The following ANKRD33B variants were observed in gnomAD, a reference collection of about 807,000 sequenced individuals.
ANKRD33B encodes ankyrin repeat domain 33B.
A neutral mutation model predicts 21.5 loss-of-function variants in ANKRD33B; 6 were observed. The ratio of observed to expected loss-of-function variants is 0.28; its 90% CI spans 0.15 to 0.55. The LOEUF (loss-of-function observed/expected upper bound fraction) is 0.55. ANKRD33B is among the 20% of genes least tolerant of loss of function. The pLI is 0.94. For missense variants in ANKRD33B, 698 were observed against 747.2 expected (o/e 0.93, Z 0.77); for synonymous variants, 347 against 342.4 (o/e 1.01, Z -0.15).
chr5:10,622,152 G>C (rs114910536), intron 2 of ANKRD33B, among the ~76,000 whole-genome samples: 1 of 152,246 alleles, frequency 6.6e-6, no homozygotes, highest in Non-Finnish European at 1.5e-5. Context: ...TTGCCTTGCT[G>C]TGGACAATCA....
rs1480086548 is a variant in ANKRD33B, at chr5:10,576,866, G to A, written c.366+12033G>A. On this transcript the variant is annotated intron_variant, in intron 1 of 3. Coordinates refer to ENST00000296657, the MANE Select transcript of ANKRD33B (RefSeq NM_001164440.2). The surrounding 1 kb of genome is among the most constrained non-coding windows in gnomAD (Gnocchi z 4.1). ...GCCATGGGGAGAAGCCCAGAAGAGAGCAGAGGAGGGTGCTGGGGCTTCTGG... is the reference window on the plus strand; with the variant it reads ...GCCATGGGGAGAAGCCCAGAAGAGAACAGAGGAGGGTGCTGGGGCTTCTGG... Among the ~76,000 whole-genome samples, 1 of 152,246 alleles carries A rather than the reference G, an allele frequency of 6.6e-6. No homozygotes were observed. The highest frequency in any genetic ancestry group is 2.4e-5 in the African/African-American group (1 of 41,466).
intron 2 of ANKRD33B, among the ~76,000 whole-genome samples, chr5:10,637,442 A>ACACACACACACG (rs1736896007): frequency 1.4e-5 from 2 of 142,938 alleles, no homozygotes; most frequent in African/African-American, 5.2e-5. Context: ...ACACACACAC[A>ACACACACACACG]CACACACACA....
At chr5:10,565,142 C>T (rs933097550) in intron 1 of ANKRD33B, among the ~76,000 whole-genome samples, 1 of 152,262 alleles carries the variant, frequency 6.6e-6, no homozygotes, top group Admixed American at 6.5e-5. Flanking sequence ...TGAATTCGCG[C>T]TGGCTGCCCG....
chr5:10,630,594 A>C (rs532961231), intron 2 of ANKRD33B, among the ~76,000 whole-genome samples: 2 of 152,358 alleles, frequency 1.3e-5, no homozygotes, highest in East Asian at 3.9e-4. Context: ...GGCATACAAA[A>C]GAGGCCATGT....
At chr5:10,613,050 C>A (rs2126577944) in intron 1 of ANKRD33B, among the ~76,000 whole-genome samples, 1 of 152,256 alleles carries the variant, frequency 6.6e-6, no homozygotes, top group South Asian at 2.1e-4. Context: ...CCTTTTTCTT[C>A]TGGGGCATCA....
intron 3 of ANKRD33B, among the ~76,000 whole-genome samples, chr5:10,641,093 C>T (rs575206429): frequency 1.4e-4 from 21 of 152,182 alleles, no homozygotes; most frequent in Admixed American, 2.6e-4. Context: ...CTTGGTTATC[C>T]TGAGGGTGGC....
rs1295215761 is a variant in ANKRD33B at position 10,564,146 on chromosome 5, T to A, written c.-322T>A. Among the ~76,000 whole-genome samples, 1 of 151,856 alleles carries A rather than the reference T, an allele frequency of 6.6e-6. No individual in the cohort carries two copies. The highest frequency in any genetic ancestry group is 6.5e-5 in the Admixed American group (1 of 15,278). ...GCTGCCAGGTGCCCAGTCCCCGCGC[T>A]CGAGAGAGCGCCTGCCTGGCTCTGA... On this transcript the variant is annotated 5_prime_UTR_variant, in exon 1 of 4. Coordinates refer to ENST00000296657, the MANE Select transcript of ANKRD33B (RefSeq NM_001164440.2).
chr5:10,575,220 C>G (rs1735292437), intron 1 of ANKRD33B, among the ~76,000 whole-genome samples: 1 of 151,554 alleles, frequency 6.6e-6, no homozygotes, highest in East Asian at 1.9e-4. Flanking sequence ...GTCAAAAGAT[C>G]AAGACCGTCC....
At chr5:10,567,074 T>C (rs948582735) in intron 1 of ANKRD33B, among the ~76,000 whole-genome samples, 1 of 152,234 alleles carries the variant, frequency 6.6e-6, no homozygotes, top group African/African-American at 2.4e-5. Context: ...CTGTGTCACG[T>C]AAAATAATGA....
chr5:10,579,100 G>T (rs891458248), intron 1 of ANKRD33B, among the ~76,000 whole-genome samples: 1 of 151,142 alleles, frequency 6.6e-6, no homozygotes, highest in African/African-American at 2.4e-5. Flanking sequence ...GGAAGTCAAG[G>T]CTGCAGTGAG....
At chr5:10,639,256 G>C (rs13186914) in intron 3 of ANKRD33B, among the ~76,000 whole-genome samples, 5 of 14,442 alleles carry the variant, frequency 3.5e-4, no homozygotes, top group Admixed American at 9.3e-4. Context: ...GCGATGTTAG[G>C]CGGTGACGTG....
chr5:10,657,725 T>C lies in ANKRD33B; in HGVS notation c.*7612T>C, dbSNP rs1199146009. On this transcript the variant is annotated 3_prime_UTR_variant, in exon 4 of 4. Transcript: ENST00000296657. ...CCCTTTTAACTTCTAACAAATTATGTATCTAATGTTTAAAAAATATGGAAA... is the reference window on the plus strand; with the variant it reads ...CCCTTTTAACTTCTAACAAATTATGCATCTAATGTTTAAAAAATATGGAAA... 1.3e-5 allele frequency: 2 copies of C among 152,378 alleles called. No homozygotes were observed. Among genetic ancestry groups the C allele is most frequent in the East Asian group, 3.7e-4 (2 of 5,338 alleles). 9.4% of individuals were successfully genotyped at this position (152,378 alleles called of 1,614,324 possible).
chr5:10,639,017 C>T lies in ANKRD33B; in HGVS notation c.637+849C>T, dbSNP rs796647316. Among the ~76,000 whole-genome samples the T allele has an allele frequency of 1.3e-3, 60 of 46,574 alleles. 6 individuals carry two copies. Among genetic ancestry groups the T allele is most frequent in the South Asian group, 3.5e-3 (4 of 1,130 alleles). 30.6% of individuals were successfully genotyped at this position (46,574 alleles called of 152,430 possible). On this transcript the variant is annotated intron_variant, in intron 3 of 3. Coordinates refer to ENST00000296657, the MANE Select transcript of ANKRD33B (RefSeq NM_001164440.2). The stretch of plus-strand genomic sequence containing the variant: ...TGCGCGGCGATGTTAGGCGGTGACG[C>T]GGAGTTGCGCGGCGATGTTAGCGGG...
At chr5:10,573,573 G>C (rs772868654) in intron 1 of ANKRD33B, among the ~76,000 whole-genome samples, 9 of 152,162 alleles carry the variant, frequency 5.9e-5, no homozygotes, top group Non-Finnish European at 1.2e-4. Flanking sequence ...CTGGGACTGG[G>C]TAATTTATAA....
intron 1 of ANKRD33B, among the ~76,000 whole-genome samples, chr5:10,584,555 TA>T (rs1237096521): frequency 2.0e-5 from 3 of 149,430 alleles, no homozygotes; most frequent in African/African-American, 7.4e-5. Context: ...AAAAAAATAA[TA>T]AAAAAAAAAG....
intron 2 of ANKRD33B, among the ~76,000 whole-genome samples, chr5:10,637,266 G>A (rs1223203985): frequency 2.0e-5 from 3 of 152,206 alleles, no homozygotes; most frequent in East Asian, 1.9e-4. Context: ...CACCATGGGC[G>A]TGCCTGGGAA....
intron 3 of ANKRD33B, among the ~76,000 whole-genome samples, chr5:10,640,274 C>T (rs1737013583): frequency 6.6e-6 from 1 of 152,168 alleles, no homozygotes; most frequent in Non-Finnish European, 1.5e-5. Context: ...GGCTATCAAC[C>T]TGGATCAACC....
At chr5:10,640,342 T>C (rs184895322) in intron 3 of ANKRD33B, among the ~76,000 whole-genome samples, 142 of 152,326 alleles carry the variant, frequency 9.3e-4, no homozygotes, top group African/African-American at 3.3e-3. Flanking sequence ...ATCTGTGAAA[T>C]GGGAGTAATG....
In ANKRD33B at chr5:10,603,896, CT is replaced by C. The variant is rs552397819; in HGVS notation, c.367-14422del. Among the ~76,000 whole-genome samples, 319 of 139,472 alleles carry C rather than the reference CT, an allele frequency of 2.3e-3. 1 individual carries two copies. Among genetic ancestry groups the C allele is most frequent in the Middle Eastern group, 7.5e-3 (2 of 268 alleles). The allele number at this position is 139,472 out of a possible 152,430, so 91.5% of individuals were successfully genotyped here. ...TTTTAAAATAATTTCAAAAGGAGAA[CT>C]TTTTTTTTTTTTTTGAGATGGAGTT... On this transcript the variant is annotated intron_variant, in intron 1 of 3. Coordinates refer to ENST00000296657, the MANE Select transcript of ANKRD33B (RefSeq NM_001164440.2).
Sources: allele counts gnomAD v4.1 joint callset (sites outside exome capture counted in the v4.1 genomes callset), GRCh38; gene constraint gnomAD v4.1.1; non-coding constraint Gnocchi (gnomAD v3.1); transcripts MANE v1.5; gene names NCBI Gene and HGNC (gene_info 2026-07-23, HGNC 2026-07-21).